SLCO4A1: variants seen among roughly 807,000 people sequenced by gnomAD.
The protein encoded by SLCO4A1 is colon organic anion transporter.
SLCO4A1 carries 51 observed loss-of-function variants against 64.6 expected under a neutral mutation model. That is an observed-to-expected ratio of 0.79 (90% confidence interval 0.63 to 1.00). The LOEUF (loss-of-function observed/expected upper bound fraction) is 1.00, where lower values mean the gene tolerates loss of function less well. Ranked by LOEUF, SLCO4A1 falls within the 50% of genes least tolerant of loss-of-function variation. The pLI, the probability that SLCO4A1 is intolerant of heterozygous loss-of-function variation, is 0.00. For synonymous variants in SLCO4A1, 471 were observed against 444.9 expected, an observed-to-expected ratio of 1.06 and a Z score of -0.74; for missense variants, 919 against 980.5, an observed-to-expected ratio of 0.94 and a Z score of 0.84.
chr20:62,668,287 G>T, intron 9 of SLCO4A1, 103 bp downstream of exon 9: 1 of 1,392,852 alleles, frequency 7.2e-7, no homozygotes, highest in Non-Finnish European at 1.0e-6. Context: ...AAACACCCAG[G>T]TCTAAGCGGG....
At chr20:62,675,751 G>A (rs1004629740), downstream of SLCO4A1, among the ~76,000 whole-genome samples, 9 of 152,336 alleles carry the variant, frequency 5.9e-5, no homozygotes, top group African/African-American at 2.2e-4. Flanking sequence ...GTGGGCACAT[G>A]GGCCCTGGAT....
chr20:62,648,074 C>A (rs922568523), intron 1 of SLCO4A1, among the ~76,000 whole-genome samples: 1 of 152,250 alleles, frequency 6.6e-6, no homozygotes, highest in Non-Finnish European at 1.5e-5. Context: ...TGCCCCCAGC[C>A]GGAGGCTCCA....
At chr20:62,673,673 C>T (rs552793482), downstream of SLCO4A1, among the ~76,000 whole-genome samples, 5 of 144,800 alleles carry the variant, frequency 3.5e-5, no homozygotes, top group South Asian at 1.1e-3. Context: ...TGGCCAGGAA[C>T]TGGCCTCTGC....
intron 2 of SLCO4A1, among the ~76,000 whole-genome samples, chr20:62,658,465 C>CT (rs1984159400): frequency 6.6e-6 from 1 of 152,246 alleles, no homozygotes; most frequent in Non-Finnish European, 1.5e-5. Context: ...GTGCACTTGG[C>CT]TTTGAGGGGG....
At chr20:62,683,573 C>T (rs989637492) in intron 2 of SLCO4A1, among the ~76,000 whole-genome samples, 1 of 152,180 alleles carries the variant, frequency 6.6e-6, no homozygotes, top group Non-Finnish European at 1.5e-5. Context: ...AATATGAGAC[C>T]TATTGTTGGT....
At chr20:62,679,566 T>C (rs1387642070) in intron 2 of SLCO4A1, among the ~76,000 whole-genome samples, 1 of 152,152 alleles carries the variant, frequency 6.6e-6, no homozygotes, top group Non-Finnish European at 1.5e-5. Context: ...TCTTGCTATG[T>C]TGCCCAGGCT....
intron 1 of SLCO4A1, among the ~76,000 whole-genome samples, chr20:62,643,713 G>A (rs1980823804): frequency 6.6e-6 from 1 of 152,228 alleles, no homozygotes; most frequent in African/African-American, 2.4e-5. Flanking sequence ...GGGAGCAAAT[G>A]GATCTCAGAG....
At position 62,657,015 on chromosome 20, in the gene SLCO4A1, C is replaced by T. The variant is rs747854964; in HGVS notation, c.561C>T (p.Phe187=). Residue 187 remains phenylalanine (F), a synonymous_variant, in exon 2 of 12, where the codon TTC becomes TTT. Coordinates refer to ENST00000217159, the MANE Select transcript of SLCO4A1 (RefSeq NM_016354.4). Reference sequence around the variant, plus strand: ...TTATGGGCACGGGGTCGCTGGTGTTCGCGCTGCCCCACTTCACGGCTGGCC... The same window carrying T: ...TTATGGGCACGGGGTCGCTGGTGTTTGCGCTGCCCCACTTCACGGCTGGCC... The part of the protein sequence containing the change: ...VLLMGTGSLV[F]ALPHFTAGRY... 9.5e-6 allele frequency: 15 copies of T among 1,581,286 alleles called. No homozygotes were observed. Among genetic ancestry groups the T allele is most frequent in the South Asian group, 7.9e-5 (7 of 88,592 alleles).
downstream of SLCO4A1, among the ~76,000 whole-genome samples, chr20:62,673,986 A>G (rs1352920036): frequency 6.6e-6 from 1 of 152,234 alleles, no homozygotes; most frequent in Non-Finnish European, 1.5e-5. Flanking sequence ...CTCCATGGGC[A>G]TGGACCTCAC....
In SLCO4A1 at chr20:62,685,123, A is replaced by G. The variant is rs1988009725; in HGVS notation, n.212-318A>G. ...CACGTGTGACCAGCCAGGGTCATAAAACACACATGGTCAGAGCAGGGCACT... is the reference window on the plus strand; with the variant it reads ...CACGTGTGACCAGCCAGGGTCATAAGACACACATGGTCAGAGCAGGGCACT... On this transcript the variant is annotated intron_variant and non_coding_transcript_variant, in intron 2 of 2. Transcript: ENST00000466818. The surrounding 1 kb of genome is among the most constrained non-coding windows in gnomAD (Gnocchi z 4.6). Among the ~76,000 whole-genome samples the G allele has an allele frequency of 1.3e-5, 2 of 152,022 alleles. No individual in the cohort carries two copies.
intron 4 of SLCO4A1, 144 bp downstream of exon 4, chr20:62,660,677 T>C (rs1984615692): frequency 9.2e-7 from 1 of 1,088,510 alleles, no homozygotes; most frequent in South Asian, 1.4e-5. Context: ...GTTCTTCCCA[T>C]CTGGGTGGAG....
intron 3 of SLCO4A1, among the ~76,000 whole-genome samples, chr20:62,659,859 C>T (rs1325344132): frequency 6.6e-6 from 1 of 152,254 alleles, no homozygotes; most frequent in Non-Finnish European, 1.5e-5. Context: ...TGTGAAGACG[C>T]GTCCCTGGAT....
rs764020297 is a variant in SLCO4A1, at chr20:62,660,448, C to T, written c.924C>T (p.Gly308=). ...ELTTESPLWV[G]AWWVGFLGSG... The stretch of plus-strand genomic sequence containing the variant: ...CCACCGAGAGCCCACTGTGGGTCGG[C>T]GCCTGGTGGGTCGGCTTCCTGGGCT... Residue 308 remains glycine, a synonymous_variant, in exon 4 of 12, where the codon GGC becomes GGT. Coordinates refer to ENST00000217159, the MANE Select transcript of SLCO4A1 (RefSeq NM_016354.4). 1.7e-5 allele frequency: 28 copies of T among 1,600,920 alleles called. No individual in the cohort carries two copies. Among genetic ancestry groups the T allele is most frequent in the East Asian group, 2.2e-5 (1 of 44,866 alleles).
rs1332126077 is a variant in SLCO4A1 at position 62,653,442 on chromosome 20, T to C, written c.-96-2917T>C. ...GCCTTCACAGATGAAGTTGCCCCTT[T>C]ATTAAAAAACAAAACAAAACAAAAA... On this transcript the variant is annotated intron_variant, in intron 1 of 11. Transcript: ENST00000217159. Among the ~76,000 whole-genome samples, 4 of 152,170 alleles carry C rather than the reference T, an allele frequency of 2.6e-5. No individual in the cohort carries two copies. In the East Asian group the frequency reaches 7.7e-4, roughly 29 times the overall value.
At chr20:62,666,357 G>A in intron 6 of SLCO4A1, 23 bp from the exon 7 acceptor site, 1 of 1,608,734 alleles carries the variant, frequency 6.2e-7, no homozygotes. Context: ...TGAGTCCCTG[G>A]CTGAATCCCT....
chr20:62,667,495 T>TGTGCATCAG (rs1450701160), intron 7 of SLCO4A1: 2 of 520,490 alleles, frequency 3.8e-6, no homozygotes, highest in East Asian at 5.9e-5. Flanking sequence ...GGAAAGGGGC[T>TGTGCATCAG]GTGCATCAGG....
downstream of SLCO4A1, among the ~76,000 whole-genome samples, chr20:62,687,938 C>G (rs1285613096): frequency 6.6e-6 from 1 of 152,174 alleles, no homozygotes; most frequent in Admixed American, 6.5e-5. Context: ...CTACCAGGCA[C>G]TAGTGCCGCG....
rs753600163 is a variant in SLCO4A1, at chr20:62,665,006, C to A, written c.1194C>A (p.Leu398=). The change falls in exon 6 of 12, where the codon CTC becomes CTA. Residue 398 remains leucine (L), a synonymous_variant. Transcript: ENST00000217159. ...LCLAGATEAT[L]ITGMSTFSPK... Reference sequence around the variant, plus strand: ...TGGCCGGGGCCACCGAGGCCACTCTCATCACCGGCATGTCCACGTTCAGCC... The same window carrying A: ...TGGCCGGGGCCACCGAGGCCACTCTAATCACCGGCATGTCCACGTTCAGCC... 6.2e-7 allele frequency: 1 copy of A among 1,613,986 alleles called. No individual in the cohort carries two copies. Among genetic ancestry groups the A allele is most frequent in the Admixed American group, 1.7e-5 (1 of 60,002 alleles).
chr20:62,658,254 C>T (rs1012197304), intron 2 of SLCO4A1, among the ~76,000 whole-genome samples: 5 of 152,204 alleles, frequency 3.3e-5, no homozygotes, highest in African/African-American at 4.8e-5. Context: ...CTCACTCCAG[C>T]GAGGGGACGT....
Sources: allele counts gnomAD v4.1 joint callset (sites outside exome capture counted in the v4.1 genomes callset), GRCh38; gene constraint gnomAD v4.1.1; non-coding constraint Gnocchi (gnomAD v3.1); transcripts MANE v1.5; gene names NCBI Gene and HGNC (gene_info 2026-07-23, HGNC 2026-07-21).